ZSCAN25: variants seen among roughly 807,000 people sequenced by gnomAD.
ZSCAN25 encodes zinc finger and SCAN domain-containing protein 25.
A neutral mutation model predicts 38.7 loss-of-function variants in ZSCAN25; 27 were observed. The ratio of observed to expected loss-of-function variants is 0.70; its 90% CI spans 0.51 to 0.96. The LOEUF (loss-of-function observed/expected upper bound fraction) is 0.96. ZSCAN25 is among the 40% of genes least tolerant of loss of function. ZSCAN25 has a pLI of 0.00. For missense variants in ZSCAN25, 637 were observed against 705.9 expected (o/e 0.90, Z 1.11); for synonymous variants, 273 against 277.7 (o/e 0.98, Z 0.17).
chr7:99,713,067 A>C, the ZSCAN25 span, among the ~76,000 whole-genome samples: 2 of 152,240 alleles, frequency 1.3e-5, no homozygotes, highest in African/African-American at 4.8e-5. Context: ...AGATGCATTA[A>C]GTTGCTGCAA....
At chr7:99,727,505 C>A in the ZSCAN25 span, among the ~76,000 whole-genome samples, 1 of 152,200 alleles carries the variant, frequency 6.6e-6, no homozygotes, top group Non-Finnish European at 1.5e-5. Flanking sequence ...TGGCCTCCCA[C>A]ATTATTCCTG....
At chr7:99,685,184 C>G in the ZSCAN25 span, 1 of 1,613,306 alleles carries the variant, frequency 6.2e-7, no homozygotes, top group Non-Finnish European at 8.5e-7. Flanking sequence ...ACCTTTAGAA[C>G]AATGGGTTTT....
At chr7:99,672,598 A>G in the ZSCAN25 span, 2 of 1,614,006 alleles carry the variant, frequency 1.2e-6, no homozygotes, top group Admixed American at 1.7e-5. Flanking sequence ...TTGTGAAGAC[A>G]GAATAACATT....
At chr7:99,708,996 G>A in the ZSCAN25 span, 1 of 1,603,082 alleles carries the variant, frequency 6.2e-7, no homozygotes, top group East Asian at 2.2e-5. Flanking sequence ...CTTGAACCAG[G>A]CTGGTTCAGG....
rs1271078046 is a variant in ZSCAN25, at chr7:99,630,578, A to G, written c.*558A>G. 4.1e-6 allele frequency: 4 copies of G among 987,640 alleles called. No homozygotes were observed. The highest frequency in any genetic ancestry group is 9.3e-5 in the South Asian group (2 of 21,392). The allele number at this position is 987,640 out of a possible 1,614,324, so 61.2% of individuals were successfully genotyped here. A position where few individuals can be genotyped will look rare whatever the true frequency, so the allele number is the denominator to read the frequency against. ...CCATGACCCGAGGCATTCTCAGGGT[A>G]TCTGTGCTGTGTGCCCGTGAGAACA... On this transcript the variant is annotated 3_prime_UTR_variant, in exon 8 of 8. Transcript: ENST00000394152.
At chr7:99,666,789 A>C in the ZSCAN25 span, 1 of 1,598,574 alleles carries the variant, frequency 6.3e-7, no homozygotes, top group South Asian at 1.1e-5. Context: ...GACATTTTGT[A>C]ATGAATTTTG....
chr7:99,627,602 A>G (rs1478515823), intron 7 of ZSCAN25, among the ~76,000 whole-genome samples: 2 of 152,246 alleles, frequency 1.3e-5, no homozygotes, highest in East Asian at 3.9e-4. Flanking sequence ...AATTACCTGA[A>G]GTTCAAGAAC....
chr7:99,666,897 C>T, the ZSCAN25 span: 2 of 1,604,946 alleles, frequency 1.2e-6, no homozygotes, highest in South Asian at 2.2e-5. Flanking sequence ...TACTTTCTAC[C>T]TGTCCCCAGA....
In ZSCAN25 at chr7:99,619,946, G is replaced by A. The variant is rs775633348; in HGVS notation, c.340G>A (p.Ala114Thr). ...TGGCCCAGAGAGTGGCAAGGCCCTG[G>A]CCGCCATGGTGGAGGACCTGACAGA... ...EHGPESGKALAAMVEDLTERA... is the reference protein window; with the variant it reads ...EHGPESGKALTAMVEDLTERA... The change falls in exon 4 of 8, where the codon GCC (alanine) becomes ACC (threonine). Residue 114 changes from alanine to threonine, a missense_variant. Coordinates refer to ENST00000394152, the MANE Select transcript of ZSCAN25 (RefSeq NM_145115.3). 4.3e-5 allele frequency: 70 copies of A among 1,614,022 alleles called. No homozygotes were observed. Among genetic ancestry groups the A allele is most frequent in the African/African-American group, 5.3e-5 (4 of 74,960 alleles).
chr7:99,722,093 A>G, the ZSCAN25 span, among the ~76,000 whole-genome samples: 22 of 152,322 alleles, frequency 1.4e-4, no homozygotes, highest in African/African-American at 5.3e-4. Context: ...GAATTTGCAC[A>G]TAGCTTATAA....
At chr7:99,649,980 A>G in the ZSCAN25 span, 1 of 1,475,398 alleles carries the variant, frequency 6.8e-7, no homozygotes, top group Non-Finnish European at 9.2e-7. Flanking sequence ...CCATAGAATG[A>G]ATTATTAAAA....
At position 99,622,619 on chromosome 7, in the gene ZSCAN25, G is replaced by A. The variant is rs748983331; in HGVS notation, c.660G>A (p.Gly220=). The A allele has an allele frequency of 2.5e-6, 4 of 1,614,052 alleles. No homozygotes were observed. The highest frequency in any genetic ancestry group is 1.3e-5 in the African/African-American group (1 of 74,922). The change falls in exon 6 of 8, where the codon GGG becomes GGA. Residue 220 remains glycine (G), a synonymous_variant. Transcript: ENST00000394152. Reference sequence around the variant, plus strand: ...CCAGAGACCAAGAGATGGCAGCTGGGTTCTTTACTGCTGGATCGCAGGTGA... The same window carrying A: ...CCAGAGACCAAGAGATGGCAGCTGGATTCTTTACTGCTGGATCGCAGGTGA... ...VNPRDQEMAA[G]FFTAGSQGLG...
intron 5 of ZSCAN25, chr7:99,622,248 A>C (rs1807042257): frequency 2.6e-6 from 1 of 385,218 alleles, no homozygotes; most frequent in Admixed American, 4.6e-5. Flanking sequence ...TTTGTTATTG[A>C]ATCTCATAGG....
At chr7:99,664,941 T>C in the ZSCAN25 span, among the ~76,000 whole-genome samples, 2 of 152,194 alleles carry the variant, frequency 1.3e-5, no homozygotes, top group South Asian at 4.1e-4. Flanking sequence ...TATTGGATGC[T>C]TAGGGCAGTG....
In ZSCAN25 at chr7:99,630,381, T is replaced by C; in HGVS notation, c.*361T>C. Reference sequence around the variant, plus strand: ...GCTGGGACCTCATCTTCCTGAGGGCTCTGTCTTGCCTGCAGGGTCATAGCT... The same window carrying C: ...GCTGGGACCTCATCTTCCTGAGGGCCCTGTCTTGCCTGCAGGGTCATAGCT... On this transcript the variant is annotated 3_prime_UTR_variant, in exon 8 of 8. Transcript: ENST00000394152. 2 of 1,059,678 alleles carry C rather than the reference T, an allele frequency of 1.9e-6. No homozygotes were observed. The highest frequency in any genetic ancestry group is 2.3e-6 in the Non-Finnish European group (2 of 876,910). 65.6% of individuals were successfully genotyped at this position (1,059,678 alleles called of 1,614,324 possible). A position where few individuals can be genotyped will look rare whatever the true frequency, so the allele number is the denominator to read the frequency against.
the ZSCAN25 span, chr7:99,709,411 T>A: frequency 7.7e-7 from 1 of 1,297,850 alleles, no homozygotes; most frequent in Non-Finnish European, 1.1e-6. Context: ...TTAATAACTG[T>A]CATGCCCTTT....
the ZSCAN25 span, chr7:99,665,302 G>C: frequency 6.2e-6 from 10 of 1,614,002 alleles, no homozygotes; most frequent in South Asian, 1.1e-4. Context: ...CCATGCTGTA[G>C]GCCCCAAAGA....
chr7:99,731,020 A>T, the ZSCAN25 span: 1 of 1,609,932 alleles, frequency 6.2e-7, no homozygotes, highest in Non-Finnish European at 8.5e-7. Flanking sequence ...TGCTCTTTGC[A>T]ATCATAAGAA....
chr7:99,638,107 C>T, the ZSCAN25 span: 11,783 of 896,552 alleles, frequency 0.013, 112 homozygotes, highest in South Asian at 0.016. Flanking sequence ...CCCTCTCCCC[C>T]CAAACTGTAG....
Sources: gnomAD v4.1 joint callset for allele counts (sites outside exome capture counted in the v4.1 genomes callset) on GRCh38, gnomAD v4.1.1 for gene constraint, MANE v1.5 for transcripts, NCBI Gene and HGNC (gene_info 2026-07-23, HGNC 2026-07-21) for gene names.